The following LIMA1 variants were observed in gnomAD, a reference collection of about 807,000 sequenced individuals.
The protein encoded by LIMA1 is LIM domain and actin binding 1.
In LIMA1, 52 loss-of-function variants were observed where a neutral mutation model predicts 62.6. The ratio of observed to expected loss-of-function variants is 0.83; its 90% CI spans 0.67 to 1.05. LIMA1 has a LOEUF of 1.05. Among genes scored for constraint, LIMA1 ranks in the 50% least tolerant of loss-of-function variants. The pLI is 0.00. For synonymous variants in LIMA1, 302 were observed against 317.8 expected (o/e 0.95, Z 0.53); for missense variants, 780 against 902.2 (o/e 0.86, Z 1.74).
At chr12:50,179,181 C>CA (rs1940430897) in intron 10 of LIMA1, among the ~76,000 whole-genome samples, 4 of 150,488 alleles carry the variant, frequency 2.7e-5, no homozygotes, top group South Asian at 2.1e-4. Context: ...CTCGCTCTGT[C>CA]GCCAGGCTGG....
chr12:50,210,561 G>A (rs1941238593), intron 4 of LIMA1, among the ~76,000 whole-genome samples: 1 of 152,176 alleles, frequency 6.6e-6, no homozygotes, highest in South Asian at 2.1e-4. Flanking sequence ...GCAGAGAGCT[G>A]TTTTCTGTCT....
At chr12:50,216,599 G>T (rs1941348673) in intron 4 of LIMA1, among the ~76,000 whole-genome samples, 1 of 152,044 alleles carries the variant, frequency 6.6e-6, no homozygotes, top group South Asian at 2.1e-4. Context: ...TCACATTCAG[G>T]CTGGGCGCGG....
At chr12:50,278,503 T>C (rs977446076) in intron 1 of LIMA1, among the ~76,000 whole-genome samples, 20 of 152,214 alleles carry the variant, frequency 1.3e-4, no homozygotes, top group Admixed American at 1.3e-3. Context: ...TTGAGAATGT[T>C]AATTAGTCTA....
intron 1 of LIMA1, among the ~76,000 whole-genome samples, chr12:50,262,169 G>A (rs1942080329): frequency 6.6e-6 from 1 of 152,066 alleles, no homozygotes. Flanking sequence ...GATAATTTAG[G>A]TGTTTTCTTA....
chr12:50,222,268 G>A lies in LIMA1; in HGVS notation c.383C>T (p.Ser128Phe). 3 of 1,614,152 alleles carry A rather than the reference G, an allele frequency of 1.9e-6. No individual in the cohort carries two copies. Among genetic ancestry groups the A allele is most frequent in the Non-Finnish European group, 2.5e-6 (3 of 1,180,032 alleles). Residue 128 changes from serine (S) to phenylalanine (F), a missense_variant, in exon 4 of 11, where the codon TCT (serine) becomes TTT (phenylalanine). Transcript: ENST00000341247. ...ADQEEQIHPRSRLRSPPEALV... is the reference protein window; with the variant it reads ...ADQEEQIHPRFRLRSPPEALV... ...GGCTTCAGGAGGTGACCTGAGTCTA[G>A]ATCTGGGGTGGATTTGTTCTTCTTG...
At chr12:50,232,373 C>CTT (rs112911088) in intron 2 of LIMA1, among the ~76,000 whole-genome samples, 4 of 137,100 alleles carry the variant, frequency 2.9e-5, no homozygotes, top group African/African-American at 5.3e-5. Context: ...TTTCTTTTTT[C>CTT]TTTTTTTTTT....
At chr12:50,193,997 A>T (rs12816797) in intron 8 of LIMA1, among the ~76,000 whole-genome samples, 125,790 of 140,264 alleles carry the variant, frequency 0.9, 56,287 homozygotes, top group East Asian at 1. Flanking sequence ...ATATATATAT[A>T]TTTTTTTTGA....
chr12:50,194,102 C>A (rs1465052472), intron 8 of LIMA1, among the ~76,000 whole-genome samples: 29 of 150,410 alleles, frequency 1.9e-4, no homozygotes, highest in Non-Finnish European at 1.0e-4. Flanking sequence ...ATTCTCCTGT[C>A]TCAGCCTCCT....
intron 2 of LIMA1, among the ~76,000 whole-genome samples, chr12:50,246,767 T>C (rs1314948503): frequency 6.6e-6 from 1 of 152,210 alleles, no homozygotes; most frequent in Non-Finnish European, 1.5e-5. Context: ...TTTATTCGTG[T>C]TCAGCTTCCA....
chr12:50,220,332 T>TA (rs1941419338), intron 4 of LIMA1, among the ~76,000 whole-genome samples: 1 of 152,162 alleles, frequency 6.6e-6, no homozygotes, highest in South Asian at 2.1e-4. Context: ...AATGCTGGGA[T>TA]TACAGGCTTG....
Position 50,200,824 on chromosome 12 carries a change from C to T in LIMA1, c.925G>A (p.Val309Met). The change falls in exon 7 of 11, where the codon GTG becomes ATG. Residue 309 changes from valine (V) to methionine (M), a missense_variant. Physicochemically the swap from Val to Met is conservative, Grantham distance 21 (BLOSUM62 1). Transcript: ENST00000341247. ...KIHKMEQKENVPPGPEVCITH... is the reference protein window; with the variant it reads ...KIHKMEQKENMPPGPEVCITH... ...ATGCAGACCTCAGGACCTGGGGGCA[C>T]ATTCTCCTTTTGCTCCATTTTATGA... 1.2e-6 allele frequency: 2 copies of T among 1,614,210 alleles called. No individual in the cohort carries two copies. Among genetic ancestry groups the T allele is most frequent in the Non-Finnish European group, 1.7e-6 (2 of 1,180,038 alleles).
chr12:50,226,876 A>T, intron 3 of LIMA1, among the ~76,000 whole-genome samples: 1 of 147,134 alleles, frequency 6.8e-6, no homozygotes, highest in Admixed American at 6.8e-5. Context: ...TTATCTGGCC[A>T]CTACTCAGTT....
At chr12:50,283,162 G>T (rs1291215137) in intron 1 of LIMA1, among the ~76,000 whole-genome samples, 1 of 152,036 alleles carries the variant, frequency 6.6e-6, no homozygotes, top group East Asian at 1.9e-4. Flanking sequence ...CAGTGTTCTC[G>T]GTGGGAGAGG....
chr12:50,178,217 T>G, intron 10 of LIMA1, 148 bp from the exon 11 acceptor site: 39 of 539,692 alleles, frequency 7.2e-5, no homozygotes, highest in Non-Finnish European at 8.1e-5. Context: ...CAGGAATTCC[T>G]TACCCCCATT....
intron 9 of LIMA1, among the ~76,000 whole-genome samples, chr12:50,190,951 C>G (rs1940753243): frequency 6.6e-6 from 1 of 151,106 alleles, no homozygotes; most frequent in Non-Finnish European, 1.5e-5. Context: ...GACCCCATCC[C>G]TATAAAAATG....
At chr12:50,275,951 C>G (rs1942271297) in intron 1 of LIMA1, among the ~76,000 whole-genome samples, 1 of 152,058 alleles carries the variant, frequency 6.6e-6, no homozygotes, top group South Asian at 2.1e-4. Context: ...TTCAGGTTCC[C>G]AGGCCCATCC....
intron 4 of LIMA1, among the ~76,000 whole-genome samples, chr12:50,215,499 TCG>T (rs1299599096): frequency 6.6e-5 from 10 of 152,210 alleles, no homozygotes; most frequent in African/African-American, 2.2e-4. Context: ...TGAGGCAGTC[TCG>T]CTCTGTCGCC....
chr12:50,253,004 G>T (rs1941949934), intron 1 of LIMA1, among the ~76,000 whole-genome samples: 1 of 152,148 alleles, frequency 6.6e-6, no homozygotes, highest in Non-Finnish European at 1.5e-5. Context: ...ATTAATTAGG[G>T]TAGGTGGAAA....
chr12:50,227,237 C>CTTTTTTTTTT (rs199650468), intron 3 of LIMA1, among the ~76,000 whole-genome samples: 2 of 123,992 alleles, frequency 1.6e-5, no homozygotes, highest in Non-Finnish European at 3.3e-5. Context: ...TTTTTCTTTT[C>CTTTTTTTTTT]TTTTTTTTTT....
Sources: allele counts gnomAD v4.1 joint callset (sites outside exome capture counted in the v4.1 genomes callset), GRCh38; gene constraint gnomAD v4.1.1; transcripts MANE v1.5; gene names NCBI Gene and HGNC (gene_info 2026-07-23, HGNC 2026-07-21).